Variants in PRR5 observed in about 807,000 individuals in gnomAD.
The protein encoded by PRR5 is proline-rich protein 5.
Under a neutral mutation model 30.6 loss-of-function variants are expected in PRR5, and 25 were observed. The observed-to-expected ratio is 0.82, with a 90% confidence interval of 0.60 to 1.14. The LOEUF is 1.14. Among genes scored for constraint, PRR5 ranks in the 50% most tolerant of loss-of-function variants. The probability of loss-of-function intolerance (pLI) is 0.00; values close to 1 mark genes in which losing one functional copy is unlikely to be tolerated. For synonymous variants in PRR5, 286 were observed against 247.1 expected, an observed-to-expected ratio of 1.16 and a Z score of -1.48; for missense variants, 600 against 547.1, an observed-to-expected ratio of 1.10 and a Z score of -0.96.
chr22:44,722,881 CTT>C (rs1170691391), intron 2 of PRR5, among the ~76,000 whole-genome samples: 1 of 152,202 alleles, frequency 6.6e-6, no homozygotes, highest in Non-Finnish European at 1.5e-5. Flanking sequence ...CCAGTCCTCT[CTT>C]TGCACCACAG....
In PRR5 at chr22:44,702,496, A is replaced by G; in HGVS notation, c.22A>G (p.Lys8Glu). The G allele has an allele frequency of 6.8e-7, 1 of 1,466,782 alleles. No individual in the cohort carries two copies. The highest frequency in any genetic ancestry group is 9.0e-7 in the Non-Finnish European group (1 of 1,106,962). 90.9% of individuals were successfully genotyped at this position (1,466,782 alleles called of 1,614,324 possible). The change falls in exon 1 of 8, where the codon AAG (lysine) becomes GAG (glutamate). Residue 8 changes from lysine (K) to glutamate (E), a missense_variant. Physicochemically the swap from Lys to Glu is moderately conservative, Grantham distance 56 (BLOSUM62 1). Coordinates refer to ENST00000336985, the MANE Select transcript of PRR5 (RefSeq NM_181333.4). MRTLRRL[K>E]FMSSPSLSDL... is the part of the protein sequence containing the mutation. ...CACCATGAGGACTCTCCGCAGGTTG[A>G]AGTTCATGAGTTCGCCCAGCCTCAG...
chr22:44,699,204 T>A (rs1051546979), upstream of PRR5, among the ~76,000 whole-genome samples: 2 of 152,178 alleles, frequency 1.3e-5, no homozygotes, highest in Non-Finnish European at 2.9e-5. Flanking sequence ...CCCAGCCCCC[T>A]GTTTCCCTCC....
rs373862910 is a variant in PRR5, at chr22:44,736,963, T to G, written c.883T>G (p.Phe295Val). ...EMTSCPEPQG[F>V]SDPPGQGPTG... Reference sequence around the variant, plus strand: ...GACGTCCTGCCCCGAGCCTCAGGGCTTCTCCGACCCGCCCGGCCAGGGCCC... The same window carrying G: ...GACGTCCTGCCCCGAGCCTCAGGGCGTCTCCGACCCGCCCGGCCAGGGCCC... The change falls in exon 8 of 8, where the codon TTC (phenylalanine) becomes GTC (valine). Residue 295 changes from phenylalanine to valine, a missense_variant. Phe to Val is a conservative substitution (Grantham distance 50). Coordinates refer to ENST00000336985, the MANE Select transcript of PRR5 (RefSeq NM_181333.4). 8 of 1,602,744 alleles carry G rather than the reference T, an allele frequency of 5.0e-6. No individual in the cohort carries two copies. The East Asian group carries it at 1.6e-4, about 31-fold the overall frequency.
intron 1 of PRR5, among the ~76,000 whole-genome samples, chr22:44,714,294 G>A (rs1030525761): frequency 3.9e-5 from 6 of 152,182 alleles, no homozygotes; most frequent in Admixed American, 1.3e-4. Flanking sequence ...GCCTGGGCAA[G>A]GTGGGGTTAA....
intron 7 of PRR5, 116 bp from the exon 8 acceptor site, chr22:44,736,656 G>A (rs538539005): frequency 3.5e-5 from 51 of 1,450,314 alleles, no homozygotes; most frequent in African/African-American, 4.2e-5. Context: ...GCCCCGGGTC[G>A]GGCCTTCCCT....
chr22:44,677,734 C>G (rs1007750910), intron 1 of PRR5, among the ~76,000 whole-genome samples: 1 of 152,218 alleles, frequency 6.6e-6, no homozygotes, highest in African/African-American at 2.4e-5. Flanking sequence ...GTGCCTGGGC[C>G]TGCTCACATG....
At chr22:44,677,442 C>T (rs935509409) in intron 1 of PRR5, among the ~76,000 whole-genome samples, 1 of 152,190 alleles carries the variant, frequency 6.6e-6, no homozygotes, top group South Asian at 2.1e-4. Context: ...GTCTGTCCGC[C>T]CTGATGTGAC....
At chr22:44,713,574 C>G (rs1928584492) in intron 1 of PRR5, among the ~76,000 whole-genome samples, 1 of 152,064 alleles carries the variant, frequency 6.6e-6, no homozygotes, top group Non-Finnish European at 1.5e-5. Flanking sequence ...CTATGTTGCC[C>G]TGGCTGGTCT....
At chr22:44,735,606 A>G (rs922404106) in intron 7 of PRR5, among the ~76,000 whole-genome samples, 25 of 152,192 alleles carry the variant, frequency 1.6e-4, no homozygotes, top group Non-Finnish European at 1.9e-4. Flanking sequence ...ACAGCTGGCC[A>G]CGTTGCTCCC....
At chr22:44,675,969 C>G (rs1002262573), upstream of PRR5, among the ~76,000 whole-genome samples, 1 of 151,762 alleles carries the variant, frequency 6.6e-6, no homozygotes, top group Non-Finnish European at 1.5e-5. Flanking sequence ...GCTGGGAGAA[C>G]TTGATTGGCA....
intron 1 of PRR5, among the ~76,000 whole-genome samples, chr22:44,708,081 C>A (rs868736698): frequency 6.6e-6 from 1 of 152,104 alleles, no homozygotes; most frequent in Non-Finnish European, 1.5e-5. Context: ...TGCCTGTAAT[C>A]CCAGCTACTT....
intron 1 of PRR5, among the ~76,000 whole-genome samples, chr22:44,692,767 C>T (rs1048814899): frequency 6.6e-6 from 1 of 152,228 alleles, no homozygotes; most frequent in African/African-American, 2.4e-5. Flanking sequence ...GCCGCCTGCC[C>T]TGAGGAGCCT....
At chr22:44,719,816 G>A (rs1310113551) in intron 2 of PRR5, among the ~76,000 whole-genome samples, 1 of 152,192 alleles carries the variant, frequency 6.6e-6, no homozygotes. Flanking sequence ...CAGATGATCT[G>A]TCCCTGCCCA....
rs201559254 is a variant in PRR5 at position 44,695,694 on chromosome 22, G to A, written c.-10-6798G>A. 4.6e-5 allele frequency among the ~76,000 whole-genome samples: 7 copies of A among 150,846 alleles called. No homozygotes were observed. In the East Asian group the frequency reaches 1.4e-3, roughly 30 times the overall value. ...GCTTACTGCAACCTCTACCTCCCGG[G>A]TTCAAGCAATTCTCTTGCCTCAGCC... On this transcript the variant is annotated intron_variant, in intron 1 of 8. Transcript: ENST00000006251.
chr22:44,737,382 C>T lies in PRR5; in HGVS notation c.*135C>T. ...TATCGGCCTCGTCACTGGCCTTGGTCACTTTGTATTTCTGTCTTGGTTGGA... is the reference window on the plus strand; with the variant it reads ...TATCGGCCTCGTCACTGGCCTTGGTTACTTTGTATTTCTGTCTTGGTTGGA... On this transcript the variant is annotated 3_prime_UTR_variant, in exon 8 of 8. Coordinates refer to ENST00000336985, the MANE Select transcript of PRR5 (RefSeq NM_181333.4). 1 of 1,405,220 alleles carries T rather than the reference C, an allele frequency of 7.1e-7. No homozygotes were observed. Among genetic ancestry groups the T allele is most frequent in the Non-Finnish European group, 9.3e-7 (1 of 1,072,422 alleles). The allele number at this position is 1,405,220 out of a possible 1,614,324, so 87.0% of individuals were successfully genotyped here.
At chr22:44,705,450 A>G (rs1053770378) in intron 1 of PRR5, among the ~76,000 whole-genome samples, 1 of 151,386 alleles carries the variant, frequency 6.6e-6, no homozygotes, top group African/African-American at 2.4e-5. Context: ...CAGCCTCTGG[A>G]GTAGCTGGGA....
At chr22:44,687,546 T>C (rs775365230) in intron 1 of PRR5, among the ~76,000 whole-genome samples, 1 of 152,190 alleles carries the variant, frequency 6.6e-6, no homozygotes, top group African/African-American at 2.4e-5. Context: ...ACAAGTTTTC[T>C]TGTCATCTCT....
In PRR5 at chr22:44,714,648, C is replaced by G; in HGVS notation, c.192C>G (p.Leu64=). Residue 64 remains leucine (L), a synonymous_variant, in exon 2 of 8, where the codon CTC becomes CTG. Coordinates refer to ENST00000336985, the MANE Select transcript of PRR5 (RefSeq NM_181333.4). ...GCAAGGGGCTGCCCGACCAGGAGCTCTTCAGCCTCAACGAGGGCGTCCGGT... is the reference window on the plus strand; with the variant it reads ...GCAAGGGGCTGCCCGACCAGGAGCTGTTCAGCCTCAACGAGGGCGTCCGGT... ...FQRKGLPDQE[L]FSLNEGVRQL... is the part of the protein sequence containing the mutation. 1 of 1,613,908 alleles carries G rather than the reference C, an allele frequency of 6.2e-7. No individual in the cohort carries two copies. The highest frequency in any genetic ancestry group is 8.5e-7 in the Non-Finnish European group (1 of 1,180,006).
rs78500932 is a variant in PRR5, at chr22:44,737,378, T to C, written c.*131T>C. ...GCCCTATCGGCCTCGTCACTGGCCT[T>C]GGTCACTTTGTATTTCTGTCTTGGT... On this transcript the variant is annotated 3_prime_UTR_variant, in exon 8 of 8. Transcript: ENST00000336985. 0.035 allele frequency: 48,848 copies of C among 1,410,532 alleles called. 1,191 individuals are homozygous for C. Among genetic ancestry groups the C allele is most frequent in the Admixed American group, 0.095 (3,376 of 35,448 alleles). 87.4% of individuals were successfully genotyped at this position (1,410,532 alleles called of 1,614,324 possible). A position where few individuals can be genotyped will look rare whatever the true frequency, so the allele number is the denominator to read the frequency against.
Sources: allele counts gnomAD v4.1 joint callset (sites outside exome capture counted in the v4.1 genomes callset), GRCh38; gene constraint gnomAD v4.1.1; transcripts MANE v1.5; gene names NCBI Gene and HGNC (gene_info 2026-07-23, HGNC 2026-07-21).